Variants in PDSS1 observed in about 807,000 individuals in gnomAD.
The protein encoded by PDSS1 is all trans-polyprenyl-diphosphate synthase PDSS1.
PDSS1 carries 43 observed loss-of-function variants against 57.5 expected under a neutral mutation model. The observed-to-expected ratio is 0.75, with a 90% CI of 0.59 to 0.96. PDSS1 has a LOEUF of 0.96. Ranked by LOEUF, PDSS1 falls within the 50% of genes least tolerant of loss-of-function variation. PDSS1 has a pLI of 0.00. For missense variants in PDSS1, 438 were observed against 527.8 expected (o/e 0.83, Z 1.67); for synonymous variants, 175 against 191.3 (o/e 0.91, Z 0.70).
chr10:26,735,341 T>G, intron 9 of PDSS1, 21 bp downstream of exon 9: 1 of 1,547,976 alleles, frequency 6.5e-7, no homozygotes, highest in Non-Finnish European at 8.9e-7. Flanking sequence ...TTTTTATTTG[T>G]AAGAATGGTG....
intron 1 of PDSS1, among the ~76,000 whole-genome samples, chr10:26,700,486 C>G (rs1226758819): frequency 2.0e-5 from 3 of 152,010 alleles, no homozygotes; most frequent in African/African-American, 7.2e-5. Flanking sequence ...ATTGTAATCC[C>G]CAATTATATT....
At chr10:26,713,538 T>C (rs1835463034) in intron 5 of PDSS1, among the ~76,000 whole-genome samples, 1 of 152,118 alleles carries the variant, frequency 6.6e-6, no homozygotes, top group Non-Finnish European at 1.5e-5. Context: ...CTTGACATTG[T>C]ATGCAAAATT....
intron 8 of PDSS1, among the ~76,000 whole-genome samples, chr10:26,727,509 T>A (rs1244653661): frequency 2.0e-5 from 3 of 151,736 alleles, no homozygotes; most frequent in Admixed American, 2.0e-4. Flanking sequence ...TTAATTCATT[T>A]TTTTGAGATG....
At chr10:26,704,608 G>T (rs901762976) in intron 2 of PDSS1, 69 bp from the exon 3 acceptor site, 1 of 780,342 alleles carries the variant, frequency 1.3e-6, no homozygotes, top group East Asian at 2.5e-5. Context: ...AATTATGGGG[G>T]TTTTATCATC....
chr10:26,722,423 G>A lies in PDSS1; in HGVS notation c.610-1383G>A, dbSNP rs1985337. On this transcript the variant is annotated intron_variant, in intron 6 of 11. Transcript: ENST00000376215. ...AATTACTACAGAATGTAACACTTAC[G>A]GCTGGGTGTGGTGGCTCACGCCTGT... Among the ~76,000 whole-genome samples, 682 of 152,232 alleles carry A rather than the reference G, an allele frequency of 4.5e-3. 5 individuals are homozygous for A. The highest frequency in any genetic ancestry group is 5.2e-3 in the Non-Finnish European group (353 of 68,012).
At chr10:26,726,990 AG>A (rs1321818041) in intron 8 of PDSS1, among the ~76,000 whole-genome samples, 4 of 151,448 alleles carry the variant, frequency 2.6e-5, no homozygotes, top group African/African-American at 9.7e-5. Context: ...TGAACCCGGG[AG>A]GTGGAGGTTG....
chr10:26,706,060 A>C (rs1040320655), intron 4 of PDSS1, among the ~76,000 whole-genome samples: 33 of 152,114 alleles, frequency 2.2e-4, no homozygotes, highest in African/African-American at 7.5e-4. Flanking sequence ...GTCTGCCCCA[A>C]ATATGGCTTT....
intron 10 of PDSS1, among the ~76,000 whole-genome samples, chr10:26,741,608 A>AT (rs986594745): frequency 6.6e-6 from 1 of 152,240 alleles, no homozygotes; most frequent in African/African-American, 2.4e-5. Context: ...AGCTCTGCAC[A>AT]TAATGCCCTC....
At chr10:26,709,611 T>C (rs376006458) in intron 4 of PDSS1, 27 bp from the exon 5 acceptor site, 22 of 1,611,788 alleles carry the variant, frequency 1.4e-5, no homozygotes, top group Non-Finnish European at 1.8e-5. Context: ...TTTGATGCCA[T>C]TGTGACACAG....
chr10:26,709,058 T>C (rs1213367256), intron 4 of PDSS1, among the ~76,000 whole-genome samples: 1 of 152,114 alleles, frequency 6.6e-6, no homozygotes, highest in Non-Finnish European at 1.5e-5. Context: ...CTGCTGTCTC[T>C]TGGGGTCTTC....
intron 6 of PDSS1, among the ~76,000 whole-genome samples, chr10:26,723,061 C>G (rs1179938594): frequency 6.6e-6 from 1 of 152,098 alleles, no homozygotes; most frequent in Non-Finnish European, 1.5e-5. Flanking sequence ...CTAGTCTGAG[C>G]TCCCACTCCA....
chr10:26,744,993 G>GTCTC (rs925920793), intron 11 of PDSS1, among the ~76,000 whole-genome samples: 1 of 151,398 alleles, frequency 6.6e-6, no homozygotes, highest in African/African-American at 2.4e-5. Flanking sequence ...GTGAAACCCC[G>GTCTC]TCTCTACTAA....
At chr10:26,716,859 A>T (rs886135242) in intron 5 of PDSS1, among the ~76,000 whole-genome samples, 2 of 152,162 alleles carry the variant, frequency 1.3e-5, no homozygotes, top group African/African-American at 4.8e-5. Context: ...CCTCTCCCAG[A>T]TCCTGGGAAA....
At chr10:26,729,464 A>G (rs1335743669) in intron 8 of PDSS1, among the ~76,000 whole-genome samples, 1 of 152,214 alleles carries the variant, frequency 6.6e-6, no homozygotes, top group Admixed American at 6.5e-5. Context: ...ATCTAACACC[A>G]CAGGATTTGT....
At chr10:26,708,157 C>G (rs755287340) in intron 4 of PDSS1, among the ~76,000 whole-genome samples, 1 of 152,216 alleles carries the variant, frequency 6.6e-6, no homozygotes. Context: ...TCTTACTTTA[C>G]CTTTGTGACC....
At chr10:26,727,669 C>CT (rs56938903) in intron 8 of PDSS1, among the ~76,000 whole-genome samples, 2,490 of 146,968 alleles carry the variant, frequency 0.017, 50 homozygotes, top group African/African-American at 0.052. Context: ...CACCTGGCCT[C>CT]TTTTTTTTTT....
chr10:26,734,596 G>A, intron 8 of PDSS1: 1 of 442,310 alleles, frequency 2.3e-6, no homozygotes, highest in East Asian at 7.0e-5. Flanking sequence ...CTTCTTTTGA[G>A]AGAAATGTGG....
At chr10:26,698,925 A>G (rs1834960783) in intron 1 of PDSS1, among the ~76,000 whole-genome samples, 2 of 152,270 alleles carry the variant, frequency 1.3e-5, no homozygotes, top group South Asian at 2.1e-4. Flanking sequence ...GGAGTTTGGG[A>G]CCAGCCTAGG....
intron 6 of PDSS1, among the ~76,000 whole-genome samples, chr10:26,722,921 A>G (rs1402594003): frequency 6.6e-6 from 1 of 151,040 alleles, no homozygotes; most frequent in Non-Finnish European, 1.5e-5. Flanking sequence ...TTGTCTAGGA[A>G]TGAGGGGCAG....
Sources: gnomAD v4.1 joint callset for allele counts (sites outside exome capture counted in the v4.1 genomes callset) on GRCh38, gnomAD v4.1.1 for gene constraint, MANE v1.5 for transcripts, NCBI Gene and HGNC (gene_info 2026-07-23, HGNC 2026-07-21) for gene names.